The following LAPTM4B variants were observed in gnomAD, a reference collection of about 807,000 sequenced individuals.
LAPTM4B encodes lysosomal-associated transmembrane protein 4B.
LAPTM4B carries 26 observed loss-of-function variants against 28.5 expected under a neutral mutation model. That is an observed-to-expected ratio of 0.91 (90% CI 0.67 to 1.27). LAPTM4B has a LOEUF of 1.27. LAPTM4B is among the 50% of genes most tolerant of loss of function. The probability of loss-of-function intolerance (pLI) is 0.00; values close to 1 mark genes in which losing one functional copy is unlikely to be tolerated. For missense variants in LAPTM4B, 288 were observed against 285.8 expected, an observed-to-expected ratio of 1.01 and a Z score of -0.06; for synonymous variants, 109 against 106.4, an observed-to-expected ratio of 1.02 and a Z score of -0.15.
chr8:97,849,887 C>T (rs1270197981), intron 6 of LAPTM4B, among the ~76,000 whole-genome samples: 1 of 151,878 alleles, frequency 6.6e-6, no homozygotes. Context: ...CCCCAGGGCC[C>T]AGTGCGAGCG....
chr8:97,828,813 GCTA>G (rs1817133153), intron 6 of LAPTM4B, among the ~76,000 whole-genome samples: 1 of 152,160 alleles, frequency 6.6e-6, no homozygotes. Flanking sequence ...TGCAAGGCCT[GCTA>G]CTCCTGTTCC....
At chr8:97,799,001 A>C (rs1275043610) in intron 1 of LAPTM4B, among the ~76,000 whole-genome samples, 1 of 152,202 alleles carries the variant, frequency 6.6e-6, no homozygotes, top group Non-Finnish European at 1.5e-5. Flanking sequence ...CCAGGCTTGA[A>C]GTCTTAGGTC....
intron 6 of LAPTM4B, among the ~76,000 whole-genome samples, chr8:97,851,174 A>G (rs1462236296): frequency 6.6e-6 from 1 of 152,224 alleles, no homozygotes; most frequent in African/African-American, 2.4e-5. Flanking sequence ...ATCCAGCTAC[A>G]CATGGACAGG....
intron 1 of LAPTM4B, among the ~76,000 whole-genome samples, chr8:97,789,584 A>G (rs1220790002): frequency 1.3e-5 from 2 of 150,286 alleles, no homozygotes; most frequent in African/African-American, 2.5e-5. Context: ...CTGGAGTGCA[A>G]TGGTGTGATC....
At chr8:97,827,297 A>G (rs751936838) in intron 6 of LAPTM4B, among the ~76,000 whole-genome samples, 1 of 152,116 alleles carries the variant, frequency 6.6e-6, no homozygotes, top group Non-Finnish European at 1.5e-5. Flanking sequence ...GACCTTCCCT[A>G]AAGAGGGTCC....
At chr8:97,829,373 A>G (rs146297578) in intron 6 of LAPTM4B, among the ~76,000 whole-genome samples, 154 of 152,320 alleles carry the variant, frequency 1.0e-3, no homozygotes, top group African/African-American at 3.6e-3. Context: ...GTTGCTACCA[A>G]TGTTTTAAAG....
chr8:97,833,985 A>G (rs376697165), intron 6 of LAPTM4B, among the ~76,000 whole-genome samples: 2 of 151,894 alleles, frequency 1.3e-5, no homozygotes, highest in Non-Finnish European at 2.9e-5. Context: ...CTCATTCCTC[A>G]TTCTCTAGTG....
At chr8:97,781,875 A>G (rs1816325364) in intron 1 of LAPTM4B, among the ~76,000 whole-genome samples, 1 of 152,134 alleles carries the variant, frequency 6.6e-6, no homozygotes, top group South Asian at 2.1e-4. Context: ...TTAATATACC[A>G]CAATTTGTTT....
At chr8:97,850,286 C>G (rs1817502455) in intron 6 of LAPTM4B, among the ~76,000 whole-genome samples, 1 of 151,858 alleles carries the variant, frequency 6.6e-6, no homozygotes, top group Non-Finnish European at 1.5e-5. Flanking sequence ...CTGAAGGAAC[C>G]ATACAGGCTT....
At chr8:97,847,202 C>T (rs567515469) in intron 6 of LAPTM4B, among the ~76,000 whole-genome samples, 10 of 152,328 alleles carry the variant, frequency 6.6e-5, no homozygotes, top group African/African-American at 2.2e-4. Context: ...GAGAGTTCCA[C>T]TGTCATTCAG....
chr8:97,829,855 C>T (rs1817152690), intron 6 of LAPTM4B, among the ~76,000 whole-genome samples: 1 of 152,066 alleles, frequency 6.6e-6, no homozygotes, highest in Non-Finnish European at 1.5e-5. Flanking sequence ...CACCACCATT[C>T]CCAGCTAATT....
chr8:97,811,562 G>C (rs1255429440), intron 2 of LAPTM4B, among the ~76,000 whole-genome samples: 1 of 152,144 alleles, frequency 6.6e-6, no homozygotes, highest in Non-Finnish European at 1.5e-5. Context: ...AAAGAATGAT[G>C]AACCTGAGGA....
intron 1 of LAPTM4B, among the ~76,000 whole-genome samples, chr8:97,787,707 T>C (rs13249737): frequency 2.6e-5 from 4 of 152,238 alleles, no homozygotes; most frequent in Admixed American, 1.3e-4. Context: ...AGTGTCCTTT[T>C]CTAAGTTCCC....
At chr8:97,809,569 G>A (rs948082271) in intron 2 of LAPTM4B, among the ~76,000 whole-genome samples, 3 of 152,138 alleles carry the variant, frequency 2.0e-5, no homozygotes, top group African/African-American at 7.2e-5. Flanking sequence ...GTGTGATGGT[G>A]CGTACCTGTA....
intron 6 of LAPTM4B, among the ~76,000 whole-genome samples, chr8:97,827,124 T>A (rs1171274115): frequency 6.6e-6 from 1 of 152,208 alleles, no homozygotes; most frequent in Admixed American, 6.5e-5. Flanking sequence ...GAGGAGGCGA[T>A]ACATAGGTTT....
At chr8:97,814,991 C>A (rs886511118) in intron 2 of LAPTM4B, among the ~76,000 whole-genome samples, 32 of 152,124 alleles carry the variant, frequency 2.1e-4, no homozygotes, top group African/African-American at 7.5e-4. Flanking sequence ...CGCACCTGGC[C>A]GGAGTTTTTA....
chr8:97,809,463 G>C (rs1375196717), intron 2 of LAPTM4B, among the ~76,000 whole-genome samples: 10 of 152,176 alleles, frequency 6.6e-5, no homozygotes, highest in Admixed American at 6.5e-4. Context: ...ACTTTGGGAG[G>C]CCAAAGTGGG....
At chr8:97,820,910 T>G (rs943512466) in intron 5 of LAPTM4B, among the ~76,000 whole-genome samples, 21 of 152,056 alleles carry the variant, frequency 1.4e-4, no homozygotes, top group East Asian at 1.0e-3. Context: ...TGTATTTTAG[T>G]AGAGACGGGT....
At chr8:97,844,162 A>G (rs2512048) in intron 6 of LAPTM4B, among the ~76,000 whole-genome samples, 110,515 of 151,642 alleles carry the variant, frequency 0.73, 41,059 homozygotes, top group African/African-American at 0.88. Flanking sequence ...CATGATCATG[A>G]CTCATTGCAG....
Sources: allele counts gnomAD v4.1 joint callset (sites outside exome capture counted in the v4.1 genomes callset), GRCh38; gene constraint gnomAD v4.1.1; transcripts MANE v1.5; gene names NCBI Gene and HGNC (gene_info 2026-07-23, HGNC 2026-07-21).